ENTPD5: variants seen among roughly 807,000 people sequenced by gnomAD.
The protein encoded by ENTPD5 is ectonucleoside triphosphate diphosphohydrolase 5 (inactive), also known as nucleoside diphosphate phosphatase ENTPD5.
A neutral mutation model predicts 60.2 loss-of-function variants in ENTPD5; 49 were observed. The observed-to-expected ratio is 0.81, with a 90% CI of 0.65 to 1.03. The LOEUF is 1.03. Among genes scored for constraint, ENTPD5 ranks in the 50% least tolerant of loss-of-function variants. The pLI is 0.00. For missense variants in ENTPD5, 480 were observed against 507.6 expected (o/e 0.95, Z 0.52); for synonymous variants, 187 against 185.4 (o/e 1.01, Z -0.07).
At chr14:73,978,051 T>C (rs538189120) in intron 6 of ENTPD5, among the ~76,000 whole-genome samples, 4 of 152,318 alleles carry the variant, frequency 2.6e-5, no homozygotes, top group African/African-American at 9.6e-5. Context: ...AACGCTAGTC[T>C]GTTTGCTGTT....
intron 1 of ENTPD5, 42 bp from the exon 2 acceptor site, chr14:74,015,972 G>A (rs1272375221): frequency 6.6e-6 from 1 of 152,164 alleles, no homozygotes; most frequent in Non-Finnish European, 1.5e-5. Context: ...AACAAAACAT[G>A]AAGTGGCTTA....
At chr14:73,959,905 C>T (rs558192240), downstream of ENTPD5, 2 of 1,197,556 alleles carry the variant, frequency 1.7e-6, no homozygotes, top group Admixed American at 8.1e-5. Context: ...AAGGAGTAAC[C>T]AGTCAGCTGT....
chr14:74,000,863 G>A (rs533384407), intron 3 of ENTPD5, among the ~76,000 whole-genome samples: 1 of 152,110 alleles, frequency 6.6e-6, no homozygotes, highest in African/African-American at 2.4e-5. Context: ...GAGACCAGAT[G>A]TGTATAAAGA....
downstream of ENTPD5, chr14:73,955,573 C>T (rs768103757): frequency 5.4e-5 from 82 of 1,506,736 alleles, no homozygotes; most frequent in Admixed American, 1.3e-3. Context: ...TCGGAGTCCA[C>T]TTTCTCCAAG....
chr14:74,000,635 T>A (rs1008215214), intron 3 of ENTPD5, among the ~76,000 whole-genome samples: 1 of 150,936 alleles, frequency 6.6e-6, no homozygotes, highest in African/African-American at 2.4e-5. Flanking sequence ...ACAAAAATTG[T>A]CCAGGCGTGG....
intron 5 of ENTPD5, 104 bp downstream of exon 5, chr14:73,986,710 T>C: frequency 1.2e-6 from 1 of 809,318 alleles, no homozygotes; most frequent in Non-Finnish European, 2.1e-6. Context: ...ATCTCACACA[T>C]GATCTCAATC....
downstream of ENTPD5, chr14:73,961,214 T>C (rs2056713078): frequency 1.9e-6 from 3 of 1,613,940 alleles, no homozygotes; most frequent in African/African-American, 4.0e-5. Context: ...ACACAGCTGG[T>C]GCCATGCTGC....
downstream of ENTPD5, chr14:73,956,106 C>G: frequency 1.4e-6 from 1 of 726,624 alleles, no homozygotes; most frequent in Non-Finnish European, 2.3e-6. Flanking sequence ...GGGCGGATCA[C>G]GAGGTCAGGA....
At chr14:73,969,968 C>A in intron 15 of ENTPD5, 42 bp downstream of exon 15, 1 of 1,390,678 alleles carries the variant, frequency 7.2e-7, no homozygotes, top group East Asian at 2.3e-5. Context: ...TCAACCCCCA[C>A]AAAAGAGGGC....
chr14:73,969,500 G>C (rs748478398), intron 15 of ENTPD5, among the ~76,000 whole-genome samples: 1 of 152,012 alleles, frequency 6.6e-6, no homozygotes, highest in Non-Finnish European at 1.5e-5. Flanking sequence ...TCAGGAGTTC[G>C]AGACCAGCCT....
intron 3 of ENTPD5, among the ~76,000 whole-genome samples, chr14:73,992,317 A>G (rs2058166896): frequency 6.6e-6 from 1 of 152,122 alleles, no homozygotes; most frequent in South Asian, 2.1e-4. Flanking sequence ...AGGATTCTCA[A>G]TCATCTCAAC....
intron 3 of ENTPD5, among the ~76,000 whole-genome samples, chr14:73,998,614 T>C (rs1039456052): frequency 1.3e-5 from 2 of 152,030 alleles, no homozygotes; most frequent in African/African-American, 4.8e-5. Flanking sequence ...AAATTACCTC[T>C]ATAAAGTGAA....
chr14:74,013,769 T>C (rs192796570), intron 2 of ENTPD5, among the ~76,000 whole-genome samples: 1 of 152,334 alleles, frequency 6.6e-6, no homozygotes, highest in East Asian at 1.9e-4. Flanking sequence ...GGGCCTTCTC[T>C]TGTTCCTTAC....
downstream of ENTPD5, chr14:73,958,196 T>G (rs759923799): frequency 5.0e-6 from 8 of 1,614,032 alleles, no homozygotes; most frequent in African/African-American, 1.3e-5. Flanking sequence ...ATACCTGGCC[T>G]TGTCCATTTC....
rs139373659 is a variant in ENTPD5, at chr14:74,014,752, A to G, written c.-131+1072T>C. Among the ~76,000 whole-genome samples, 198 of 152,296 alleles carry G rather than the reference A, an allele frequency of 1.3e-3. 1 individual carries two copies. Among genetic ancestry groups the G allele is most frequent in the African/African-American group, 4.5e-3 (187 of 41,548 alleles). On this transcript the variant is annotated intron_variant, in intron 2 of 15. Transcript: ENST00000334696. Reference sequence around the variant, plus strand: ...GAAAATGTCAATTTAGTAGAATTCTATATTTGCAGCACATGCAATAAAAAA... The same window carrying G: ...GAAAATGTCAATTTAGTAGAATTCTGTATTTGCAGCACATGCAATAAAAAA...
At chr14:73,993,972 G>C (rs1298615423) in intron 3 of ENTPD5, among the ~76,000 whole-genome samples, 1 of 151,462 alleles carries the variant, frequency 6.6e-6, no homozygotes, top group East Asian at 1.9e-4. Context: ...TAGTTGTTCA[G>C]TGTAAAACCA....
In ENTPD5 at chr14:73,973,807, G is replaced by C. The variant is rs2140498961; in HGVS notation, c.886+70C>G. 7 of 1,381,248 alleles carry C rather than the reference G, an allele frequency of 5.1e-6. No individual in the cohort carries two copies. In the Admixed American group the frequency reaches 6.8e-5, roughly 13 times the overall value. 85.6% of individuals were successfully genotyped at this position (1,381,248 alleles called of 1,614,324 possible). A position where few individuals can be genotyped will look rare whatever the true frequency, so the allele number is the denominator to read the frequency against. On this transcript the variant is annotated intron_variant, in intron 12 of 15. Transcript: ENST00000334696. ...AAGCTTCTCTTGAGTTCTGGAAAAA[G>C]TTTCCCATGGGACTTTTCCAGAGCT...
At chr14:74,014,179 G>A (rs1240361508) in intron 2 of ENTPD5, among the ~76,000 whole-genome samples, 1 of 152,160 alleles carries the variant, frequency 6.6e-6, no homozygotes, top group Non-Finnish European at 1.5e-5. Flanking sequence ...CACGCCTGTA[G>A]TCCCAACTAC....
At chr14:73,998,140 A>T (rs2058394489) in intron 3 of ENTPD5, among the ~76,000 whole-genome samples, 1 of 152,116 alleles carries the variant, frequency 6.6e-6, no homozygotes, top group Admixed American at 6.6e-5. Flanking sequence ...GATGTTGGAA[A>T]ACTGACAAAC....
Sources: allele counts gnomAD v4.1 joint callset (sites outside exome capture counted in the v4.1 genomes callset), GRCh38; gene constraint gnomAD v4.1.1; transcripts MANE v1.5; gene names NCBI Gene and HGNC (gene_info 2026-07-23, HGNC 2026-07-21).